The following PCDHGB2 variants were observed in gnomAD, a reference collection of about 807,000 sequenced individuals.
PCDHGB2 encodes the protein protocadherin gamma-B2.
Under a neutral mutation model 59.3 loss-of-function variants are expected in PCDHGB2, and 55 were observed. That is an observed-to-expected ratio of 0.93 (90% CI 0.75 to 1.16). The LOEUF is 1.16. PCDHGB2 is among the 50% of genes most tolerant of loss of function. The probability of loss-of-function intolerance (pLI) is 0.00; values close to 1 mark genes in which losing one functional copy is unlikely to be tolerated. For synonymous variants in PCDHGB2, 516 were observed against 512.0 expected, an observed-to-expected ratio of 1.01 and a Z score of -0.11; for missense variants, 1,228 against 1,198.5, an observed-to-expected ratio of 1.02 and a Z score of -0.36.
intron 1 of PCDHGB2, among the ~76,000 whole-genome samples, chr5:141,437,919 G>A (rs2097917914): frequency 1.3e-5 from 2 of 152,078 alleles, no homozygotes; most frequent in Admixed American, 1.3e-4. Context: ...TGTATTTTTA[G>A]TAGAGATGGG....
Position 141,423,601 on chromosome 5 carries a change from C to T in PCDHGB2, c.2421+61045C>T, listed in dbSNP as rs372165060. On this transcript the variant is annotated intron_variant, in intron 1 of 3. Transcript: ENST00000522605. The stretch of plus-strand genomic sequence containing the variant: ...GGAGAGCTGTGAGAAAAGCGAGCCA[C>T]TCTTGATAGCTGAAGACTCAGCTAT... The T allele has an allele frequency of 1.9e-6, 3 of 1,612,586 alleles. No homozygotes were observed. Among genetic ancestry groups the T allele is most frequent in the Admixed American group, 1.7e-5 (1 of 59,924 alleles).
chr5:141,430,953 G>A (rs2097330054), intron 1 of PCDHGB2: 1 of 1,611,124 alleles, frequency 6.2e-7, no homozygotes, highest in African/African-American at 1.3e-5. Context: ...CGCGGAGTCC[G>A]CATCATCCCC....
intron 1 of PCDHGB2, chr5:141,441,802 T>C (rs2098274220): frequency 2.6e-6 from 1 of 382,538 alleles, no homozygotes; most frequent in South Asian, 2.1e-5. Flanking sequence ...GCACCGCGGG[T>C]GCTGTACCCC....
At chr5:141,448,580 TTACAAAAAGATAAAA>T (rs1484851220) in intron 1 of PCDHGB2, among the ~76,000 whole-genome samples, 1 of 152,180 alleles carries the variant, frequency 6.6e-6, no homozygotes, top group Non-Finnish European at 1.5e-5. Context: ...CCCATTTTTT[TTACAAAAAGATAAAA>T]TACTATACAC....
At chr5:141,419,254 C>A in intron 1 of PCDHGB2, 1 of 1,614,020 alleles carries the variant, frequency 6.2e-7, no homozygotes, top group Non-Finnish European at 8.5e-7. Context: ...CAGAAAACAA[C>A]CAGCCGGGTG....
chr5:141,451,576 C>G (rs997933491), intron 1 of PCDHGB2, among the ~76,000 whole-genome samples: 10 of 152,164 alleles, frequency 6.6e-5, no homozygotes, highest in Middle Eastern at 3.4e-3. Context: ...TTTTTATAAA[C>G]CTAATTTTGA....
At position 141,491,023 on chromosome 5, in the gene PCDHGB2, G is replaced by A. The variant is rs773185039; in HGVS notation, c.2422-3784G>A. 17 of 1,613,990 alleles carry A rather than the reference G, an allele frequency of 1.1e-5. No individual in the cohort carries two copies. Among genetic ancestry groups the A allele is most frequent in the Admixed American group, 5.0e-5 (3 of 60,008 alleles). ...CTCCTTGGTCACCAAGGTGACAGCC[G>A]TGGATGCTGATGCAGGCCACAATGC... On this transcript the variant is annotated intron_variant, in intron 1 of 3. Coordinates refer to ENST00000522605, the MANE Select transcript of PCDHGB2 (RefSeq NM_018923.3). The surrounding 1 kb of genome is among the most constrained non-coding windows in gnomAD (Gnocchi z 6.9).
At chr5:141,421,320 G>C (rs1561793188) in intron 1 of PCDHGB2, 1 of 1,613,904 alleles carries the variant, frequency 6.2e-7, no homozygotes, top group East Asian at 2.2e-5. Flanking sequence ...GGGCCAGGCA[G>C]ATCCGATATT....
At chr5:141,394,885 T>C (rs769027830) in intron 1 of PCDHGB2, 1 of 1,613,758 alleles carries the variant, frequency 6.2e-7, no homozygotes. Context: ...AGCCTTACAC[T>C]CTATCTCGTG....
chr5:141,384,769 G>C (rs778610936), intron 1 of PCDHGB2: 1 of 1,613,914 alleles, frequency 6.2e-7, no homozygotes, highest in Non-Finnish European at 8.5e-7. Context: ...GCTGTACACG[G>C]GCGAGGTGCG....
intron 1 of PCDHGB2, chr5:141,478,453 C>T: frequency 6.2e-7 from 1 of 1,613,594 alleles, no homozygotes; most frequent in Non-Finnish European, 8.5e-7. Context: ...CTGGTGCAGC[C>T]AGTCCACTGG....
In PCDHGB2 at chr5:141,360,970, T is replaced by C; in HGVS notation, c.835T>C (p.Tyr279His). 1 of 1,613,884 alleles carries C rather than the reference T, an allele frequency of 6.2e-7. No homozygotes were observed. The highest frequency in any genetic ancestry group is 8.5e-7 in the Non-Finnish European group (1 of 1,179,834). ...RDEGINAEITYSFHNVDEQVK... is the reference protein window; with the variant it reads ...RDEGINAEITHSFHNVDEQVK... ...TGAAGGCATAAACGCAGAGATCACC[T>C]ACTCCTTTCATAATGTGGACGAACA... The change falls in exon 1 of 4, where the codon TAC (tyrosine) becomes CAC (histidine). Residue 279 changes from tyrosine (Y) to histidine (H), a missense_variant. By Grantham distance (83) the Tyr-to-His change is moderately conservative. This residue lies in a region of PCDHGB2 where 781 missense variants were observed against 721.6 expected (regional missense o/e 1.08). Transcript: ENST00000522605.
At position 141,487,147 on chromosome 5, in the gene PCDHGB2, T is replaced by C; in HGVS notation, c.2422-7660T>C. 1 of 1,614,122 alleles carries C rather than the reference T, an allele frequency of 6.2e-7. No individual in the cohort carries two copies. Among genetic ancestry groups the C allele is most frequent in the Non-Finnish European group, 8.5e-7 (1 of 1,179,952 alleles). On this transcript the variant is annotated intron_variant, in intron 1 of 3. Transcript: ENST00000522605. This position sits in a 1 kb window ranked among gnomAD's most constrained non-coding sequence, Gnocchi z 5.0. ...GTGGTAGTCCACCACTCTCTACCTC[T>C]GTTACTCTCTTAGTGTCCTTAGAGG...
intron 1 of PCDHGB2, chr5:141,478,018 C>T: frequency 1.9e-6 from 3 of 1,614,124 alleles, no homozygotes; most frequent in Non-Finnish European, 2.5e-6. Context: ...CCCGTCCAGT[C>T]CAAGACACAG....
In PCDHGB2 at chr5:141,477,292, A is replaced by G; in HGVS notation, c.2422-17515A>G. The G allele has an allele frequency of 1.2e-6, 2 of 1,614,114 alleles. No individual in the cohort carries two copies. The highest frequency in any genetic ancestry group is 4.5e-5 in the East Asian group (2 of 44,862). On this transcript the variant is annotated intron_variant, in intron 1 of 3. Transcript: ENST00000522605. The surrounding 1 kb of genome is among the most constrained non-coding windows in gnomAD (Gnocchi z 4.9). ...ACGGGCTGGTGACCTGCGAAGTTCCACCGGGTCTCCCTTTCAGCCTTACTT... is the reference window on the plus strand; with the variant it reads ...ACGGGCTGGTGACCTGCGAAGTTCCGCCGGGTCTCCCTTTCAGCCTTACTT...
At chr5:141,399,942 G>A (rs780939486) in intron 1 of PCDHGB2, 12 of 1,612,140 alleles carry the variant, frequency 7.4e-6, no homozygotes, top group Middle Eastern at 1.9e-4. Context: ...ACCACGTGCT[G>A]CAGGCTAGCG....
chr5:141,406,906 C>T (rs1186250719), intron 1 of PCDHGB2, among the ~76,000 whole-genome samples: 1 of 152,048 alleles, frequency 6.6e-6, no homozygotes, highest in Non-Finnish European at 1.5e-5. Flanking sequence ...CTGTTTTTAG[C>T]TATAAGGAAG....
In PCDHGB2 at chr5:141,476,702, C is replaced by A. The variant is rs751321222; in HGVS notation, c.2422-18105C>A. 1.4e-5 allele frequency: 23 copies of A among 1,614,104 alleles called. No individual in the cohort carries two copies. Among genetic ancestry groups the A allele is most frequent in the Non-Finnish European group, 1.7e-5 (20 of 1,180,050 alleles). ...GGAGGACAGCACCAAGTACGCGGAG[C>A]TGGTGTTGGAGCGCGCCCTGGACCG... is the stretch of plus-strand genomic sequence containing the variant. On this transcript the variant is annotated intron_variant, in intron 1 of 3. Coordinates refer to ENST00000522605, the MANE Select transcript of PCDHGB2 (RefSeq NM_018923.3). The surrounding 1 kb of genome is among the most constrained non-coding windows in gnomAD (Gnocchi z 7.6).
chr5:141,452,449 T>G (rs1482580788), intron 1 of PCDHGB2, among the ~76,000 whole-genome samples: 1 of 152,224 alleles, frequency 6.6e-6, no homozygotes, highest in South Asian at 2.1e-4. Flanking sequence ...TTCTAGGCCT[T>G]GTCAGCAGAC....
Sources: gnomAD v4.1 joint callset for allele counts (sites outside exome capture counted in the v4.1 genomes callset) on GRCh38, gnomAD v4.1.1 for gene constraint, gnomAD v4.1.1 regional missense constraint, Gnocchi (gnomAD v3.1) non-coding constraint, MANE v1.5 for transcripts, NCBI Gene and HGNC (gene_info 2026-07-23, HGNC 2026-07-21) for gene names.